Variants in LCT observed in about 807,000 individuals in gnomAD.
The protein encoded by LCT is lactase, also known as lactase/phlorizin hydrolase.
A neutral mutation model predicts 173.0 loss-of-function variants in LCT; 90 were observed. The observed-to-expected ratio is 0.52, with a 90% CI of 0.44 to 0.62. The LOEUF (loss-of-function observed/expected upper bound fraction) is 0.62, where lower values mean the gene tolerates loss of function less well. LCT is among the 20% of genes least tolerant of loss of function. The pLI is 0.00. For missense variants in LCT, 1,864 were observed against 2,431.4 expected (o/e 0.77, Z 4.91); for synonymous variants, 853 against 957.6 (o/e 0.89, Z 2.02).
chr2:135,808,407 G>A (rs758839500), intron 8 of LCT, 36 bp downstream of exon 8: 5 of 1,523,826 alleles, frequency 3.3e-6, no homozygotes, highest in Non-Finnish European at 3.6e-6. Context: ...GGGAATGTTG[G>A]AAGATTTCTT....
chr2:135,788,072 T>A lies in LCT; in HGVS notation c.*252A>T. 1 of 526,486 alleles carries A rather than the reference T, an allele frequency of 1.9e-6. No homozygotes were observed. Among genetic ancestry groups the A allele is most frequent in the South Asian group, 2.0e-5 (1 of 49,278 alleles). The allele number at this position is 526,486 out of a possible 1,614,324, so 32.6% of individuals were successfully genotyped here. Reference sequence around the variant, plus strand: ...GGTTCACAGACCCACTAGACCAGTATCTACACGTTTCCGCAAGAGCTACTT... The same window carrying A: ...GGTTCACAGACCCACTAGACCAGTAACTACACGTTTCCGCAAGAGCTACTT... On this transcript the variant is annotated 3_prime_UTR_variant, in exon 17 of 17. Transcript: ENST00000264162.
chr2:135,815,427 G>A (rs904945161), intron 6 of LCT, among the ~76,000 whole-genome samples: 22 of 152,302 alleles, frequency 1.4e-4, no homozygotes, highest in Admixed American at 7.2e-4. Flanking sequence ...TCAGAAGGTG[G>A]GTGGTGGAAT....
Position 135,829,683 on chromosome 2 carries a change from A to G in LCT, c.721-7T>C. Reference sequence around the variant, plus strand: ...AGAGGAAATCGACCGTGTCCTGAAAATAGTAGTTAAATAGGGTCATTAGAA... The same window carrying G: ...AGAGGAAATCGACCGTGTCCTGAAAGTAGTAGTTAAATAGGGTCATTAGAA... On this transcript the variant is annotated splice_polypyrimidine_tract_variant and splice_region_variant and intron_variant, in intron 2 of 16. Coordinates refer to ENST00000264162, the MANE Select transcript of LCT (RefSeq NM_002299.4). 1 of 1,596,988 alleles carries G rather than the reference A, an allele frequency of 6.3e-7. No individual in the cohort carries two copies. Among genetic ancestry groups the G allele is most frequent in the Non-Finnish European group, 8.6e-7 (1 of 1,164,556 alleles).
At chr2:135,806,984 G>A (rs1194845817) in intron 9 of LCT, 144 bp downstream of exon 9, 6 of 920,606 alleles carry the variant, frequency 6.5e-6, no homozygotes, top group Admixed American at 2.0e-5. Flanking sequence ...CTGTCTGGAA[G>A]AGGACCTCCC....
chr2:135,837,113 C>A lies in LCT; in HGVS notation c.57G>T (p.Gly19=), dbSNP rs773805304. Residue 19 remains glycine (G), a synonymous_variant, in exon 1 of 17, where the codon GGG becomes GGT. Coordinates refer to ENST00000264162, the MANE Select transcript of LCT (RefSeq NM_002299.4). ...AATTTCTATCAGACTCCCAGTCTGA[C>A]CCCCAGCATGAAAAACTTAGCAGGG... ...FIALLSFSCW[G]SDWESDRNFI... is the part of the protein sequence containing the mutation. 3.7e-6 allele frequency: 6 copies of A among 1,613,440 alleles called. No individual in the cohort carries two copies. The highest frequency in any genetic ancestry group is 5.1e-6 in the Non-Finnish European group (6 of 1,179,474).
In LCT at chr2:135,809,580, C is replaced by G; in HGVS notation, c.2767G>C (p.Asp923His). 6.2e-7 allele frequency: 1 copy of G among 1,614,228 alleles called. No individual in the cohort carries two copies. The highest frequency in any genetic ancestry group is 1.7e-5 in the Admixed American group (1 of 60,032). ...SSAYQIEGAW[D>H]ADGKGPSIWD... ...ATGCTGGGGCCTTTGCCATCGGCAT[C>G]CCACGCGCCTTCAATCTGATAAGCG... The change falls in exon 8 of 17, where the codon GAT (aspartate) becomes CAT (histidine). Residue 923 changes from aspartate to histidine, a missense_variant. By Grantham distance (81) the Asp-to-His change is moderately conservative. Around this residue, in one of 4 missense-constraint regions of LCT, gnomAD observed 755 missense variants for 926.3 expected, o/e 0.82. Transcript: ENST00000264162. This position sits in a 1 kb window ranked among gnomAD's most constrained non-coding sequence, Gnocchi z 5.5.
Position 135,794,621 on chromosome 2 carries a change from C to A in LCT, c.5111+20G>T, listed in dbSNP as rs766888539. ...TGCCTTTTCCAGAGATGGCTCCGGG[C>A]TCCCTGTTGGTGGACTTACCTGTCT... On this transcript the variant is annotated intron_variant, in intron 14 of 16. Transcript: ENST00000264162. The A allele has an allele frequency of 2.2e-5, 35 of 1,613,248 alleles. No individual in the cohort carries two copies. In the Admixed American group the frequency reaches 5.2e-4, roughly 24 times the overall value.
intron 2 of LCT, among the ~76,000 whole-genome samples, chr2:135,832,175 C>T (rs900469232): frequency 6.6e-6 from 1 of 151,814 alleles, no homozygotes; most frequent in African/African-American, 2.4e-5. Flanking sequence ...GAGATCGTGC[C>T]ACTGCACTCC....
At chr2:135,828,551 C>T (rs1175943092) in intron 3 of LCT, among the ~76,000 whole-genome samples, 1 of 152,146 alleles carries the variant, frequency 6.6e-6, no homozygotes, top group Non-Finnish European at 1.5e-5. Context: ...CACAGGAAGG[C>T]AGCTCTCCAG....
intron 7 of LCT, chr2:135,810,274 C>A: frequency 2.9e-6 from 1 of 350,212 alleles, no homozygotes; most frequent in Non-Finnish European, 5.1e-6. Flanking sequence ...TTACCTCGGA[C>A]CAGCGAGGAC....
Position 135,812,711 on chromosome 2 carries a change from C to G in LCT, c.1953G>C (p.Gln651His), listed in dbSNP as rs183633523. 6.2e-7 allele frequency: 1 copy of G among 1,614,214 alleles called. No homozygotes were observed. The highest frequency in any genetic ancestry group is 1.3e-5 in the African/African-American group (1 of 75,054). The part of the protein sequence containing the change: ...YPATLRTQIQ[Q>H]MNRQCSHPVA... ...CAGGATGGGAGCACTGTCTGTTCATCTGTTGGATCTGGGTCCTCAGGGTGG... is the reference window on the plus strand; with the variant it reads ...CAGGATGGGAGCACTGTCTGTTCATGTGTTGGATCTGGGTCCTCAGGGTGG... Residue 651 changes from glutamine to histidine, a missense_variant, in exon 7 of 17, where the codon CAG becomes CAC. Physicochemically the swap from Gln to His is conservative, Grantham distance 24. This residue lies in a region of LCT where 755 missense variants were observed against 926.3 expected (regional missense o/e 0.82). Coordinates refer to ENST00000264162, the MANE Select transcript of LCT (RefSeq NM_002299.4).
intron 8 of LCT, 47 bp downstream of exon 8, chr2:135,808,396 A>C (rs2077694941): frequency 6.9e-7 from 1 of 1,441,568 alleles, no homozygotes; most frequent in Non-Finnish European, 9.8e-7. Context: ...CATATGACCC[A>C]GGGAATGTTG....
chr2:135,817,337 G>T lies in LCT; in HGVS notation c.1707+4C>A. On this transcript the variant is annotated splice_donor_region_variant and intron_variant, in intron 6 of 16. Coordinates refer to ENST00000264162, the MANE Select transcript of LCT (RefSeq NM_002299.4). ...TTAGTAGGAGCTGCAGGGTTGGGAA[G>T]TACCTTAAAAGAGGCCACTCCTGGG... The T allele has an allele frequency of 6.2e-7, 1 of 1,613,614 alleles. No homozygotes were observed. The highest frequency in any genetic ancestry group is 8.5e-7 in the Non-Finnish European group (1 of 1,179,698).
At position 135,788,481 on chromosome 2, in the gene LCT, C is replaced by T. The variant is rs2077509482; in HGVS notation, c.5627G>A (p.Gly1876Asp). Residue 1876 changes from glycine to aspartate, a missense_variant, in exon 17 of 17, where the codon GGC (glycine) becomes GAC (aspartate). Gly to Asp is a moderately conservative substitution (Grantham distance 94, BLOSUM62 -1). This residue lies in a region of LCT where 514 missense variants were observed against 750.1 expected (regional missense o/e 0.69). Transcript: ENST00000264162. ...CAAAGCTGTCTGTGCTTCTGTGGTG[C>T]CGAGCATTAGCCCCAGGAACTGCAC... ...EEVQFLGLML[G>D]TTEAQTALYV... 2.5e-6 allele frequency: 4 copies of T among 1,613,136 alleles called. No individual in the cohort carries two copies. The South Asian group carries it at 4.4e-5, about 18-fold the overall frequency.
chr2:135,820,942 G>A (rs987318794), intron 5 of LCT, among the ~76,000 whole-genome samples: 10 of 151,342 alleles, frequency 6.6e-5, no homozygotes, highest in African/African-American at 9.7e-5. Flanking sequence ...GTGCAATGGC[G>A]CGATCTCAGC....
chr2:135,790,620 G>T lies in LCT; in HGVS notation c.5335+38C>A. The T allele has an allele frequency of 7.5e-7, 1 of 1,333,440 alleles. No individual in the cohort carries two copies. Among genetic ancestry groups the T allele is most frequent in the Non-Finnish European group, 1.1e-6 (1 of 925,804 alleles). 82.6% of individuals were successfully genotyped at this position (1,333,440 alleles called of 1,614,324 possible). On this transcript the variant is annotated intron_variant, in intron 15 of 16. Coordinates refer to ENST00000264162, the MANE Select transcript of LCT (RefSeq NM_002299.4). This position sits in a 1 kb window ranked among gnomAD's most constrained non-coding sequence, Gnocchi z 4.1. Reference sequence around the variant, plus strand: ...TGCAAATAGCAGATGTTTCCAACAGGGGAAGGTGCACGCTGGGGAAGGGCG... The same window carrying T: ...TGCAAATAGCAGATGTTTCCAACAGTGGAAGGTGCACGCTGGGGAAGGGCG...
At chr2:135,817,268 CAG>C in intron 6 of LCT, 71 bp downstream of exon 6, 2 of 1,522,158 alleles carry the variant, frequency 1.3e-6, no homozygotes, top group African/African-American at 1.4e-5. Flanking sequence ...TGGAAGAAAA[CAG>C]AGAAAATGAC....
Position 135,804,863 on chromosome 2 carries a change from G to A in LCT, c.4368C>T (p.Ile1456=), listed in dbSNP as rs1380211891. The A allele has an allele frequency of 1.2e-6, 2 of 1,613,992 alleles. No individual in the cohort carries two copies. Among genetic ancestry groups the A allele is most frequent in the Non-Finnish European group, 1.7e-6 (2 of 1,180,000 alleles). Residue 1456 remains isoleucine, a synonymous_variant, in exon 10 of 17, where the codon ATC becomes ATT. Coordinates refer to ENST00000264162, the MANE Select transcript of LCT (RefSeq NM_002299.4). The part of the protein sequence containing the change: ...HYRFSISWSR[I]LPDGTTRYIN... ...TGTACCTGGTGGTTCCATCAGGGAGGATGCGAGACCAGGAGATGGAAAAAC... is the reference window on the plus strand; with the variant it reads ...TGTACCTGGTGGTTCCATCAGGGAGAATGCGAGACCAGGAGATGGAAAAAC...
intron 5 of LCT, chr2:135,820,691 C>G (rs1359008615): frequency 6.6e-6 from 1 of 152,216 alleles, no homozygotes; most frequent in South Asian, 2.1e-4. Context: ...ATTATTGTCT[C>G]CAGCTTTTGT....
Sources: allele counts gnomAD v4.1 joint callset (sites outside exome capture counted in the v4.1 genomes callset), GRCh38; gene constraint gnomAD v4.1.1; regional missense constraint gnomAD v4.1.1; non-coding constraint Gnocchi (gnomAD v3.1); transcripts MANE v1.5; gene names NCBI Gene and HGNC (gene_info 2026-07-23, HGNC 2026-07-21).